DNER: variants seen among roughly 807,000 people sequenced by gnomAD.
DNER encodes the protein delta and Notch-like epidermal growth factor-related receptor.
DNER carries 33 observed loss-of-function variants against 78.2 expected under a neutral mutation model. The observed-to-expected ratio is 0.42, with a 90% CI of 0.32 to 0.56. The LOEUF (loss-of-function observed/expected upper bound fraction) is 0.56. Among genes scored for constraint, DNER ranks in the 20% least tolerant of loss-of-function variants. DNER has a pLI of 0.11. For synonymous variants in DNER, 417 were observed against 384.8 expected (o/e 1.08, Z -0.98); for missense variants, 918 against 975.3 (o/e 0.94, Z 0.78).
rs913840431 is a variant in DNER at position 229,495,963 on chromosome 2, T to G, written c.1147+16820A>C. 2.0e-5 allele frequency among the ~76,000 whole-genome samples: 3 copies of G among 152,232 alleles called. No individual in the cohort carries two copies. In the East Asian group the frequency reaches 5.8e-4, roughly 29 times the overall value. On this transcript the variant is annotated intron_variant, in intron 6 of 12. Coordinates refer to ENST00000341772, the MANE Select transcript of DNER (RefSeq NM_139072.4). ...TCAGTCTAATAACTTATTGGCCACA[T>G]GTAAACCATGAGGGTATGACAGCTC...
chr2:229,508,774 G>C (rs1215411678), intron 6 of DNER, among the ~76,000 whole-genome samples: 1 of 152,046 alleles, frequency 6.6e-6, no homozygotes, highest in Non-Finnish European at 1.5e-5. Context: ...CCAGCTACTC[G>C]GGAGGCTGAG....
intron 5 of DNER, among the ~76,000 whole-genome samples, chr2:229,519,607 G>T (rs2154212525): frequency 6.6e-6 from 1 of 152,074 alleles, no homozygotes; most frequent in East Asian, 2.0e-4. Flanking sequence ...CAAGCAGAAG[G>T]TCAAGGCTTG....
chr2:229,554,859 AGAGAAGAGAAGAGAAGAGAAGAG>A (rs1559165417), intron 4 of DNER, among the ~76,000 whole-genome samples: 1 of 35,396 alleles, frequency 2.8e-5, no homozygotes, highest in Non-Finnish European at 5.4e-5. Context: ...TGAAAGGAAA[AGAGAAGAGAAGAGAAGAGAAGAG>A]AAGAGAAGAG....
chr2:229,577,917 C>G (rs1045009280), intron 4 of DNER, among the ~76,000 whole-genome samples: 1 of 152,114 alleles, frequency 6.6e-6, no homozygotes, highest in African/African-American at 2.4e-5. Flanking sequence ...ATTTAAGTGT[C>G]CTGCCAACTA....
intron 1 of DNER, among the ~76,000 whole-genome samples, chr2:229,712,861 A>T (rs1699930990): frequency 6.6e-6 from 1 of 152,194 alleles, no homozygotes; most frequent in South Asian, 2.1e-4. Flanking sequence ...CAGTGTTGAA[A>T]AGATAGATTC....
intron 11 of DNER, among the ~76,000 whole-genome samples, chr2:229,382,909 A>G (rs895230859): frequency 2.6e-5 from 4 of 152,178 alleles, no homozygotes; most frequent in Non-Finnish European, 4.4e-5. Context: ...GAAAATACAG[A>G]GAACACCACA....
At chr2:229,456,273 C>T (rs558807998) in intron 7 of DNER, among the ~76,000 whole-genome samples, 1 of 151,708 alleles carries the variant, frequency 6.6e-6, no homozygotes, top group Non-Finnish European at 1.5e-5. Flanking sequence ...CCAGCTGTCA[C>T]GTGAACTCAG....
intron 4 of DNER, among the ~76,000 whole-genome samples, chr2:229,579,661 C>T (rs1385747480): frequency 2.0e-5 from 3 of 152,094 alleles, no homozygotes; most frequent in Non-Finnish European, 2.9e-5. Flanking sequence ...TTCATGAGAT[C>T]CATGAAGTGG....
At chr2:229,598,155 C>T (rs1166770115) in intron 1 of DNER, among the ~76,000 whole-genome samples, 1 of 152,228 alleles carries the variant, frequency 6.6e-6, no homozygotes, top group African/African-American at 2.4e-5. Flanking sequence ...AATAGGGTTG[C>T]TCGAAGTGTG....
rs1699957459 is a variant in DNER at position 229,714,259 on chromosome 2, A to G, written c.165T>C (p.Asn55=). 2.8e-6 allele frequency: 4 copies of G among 1,407,928 alleles called. No homozygotes were observed. The highest frequency in any genetic ancestry group is 3.7e-6 in the Non-Finnish European group (4 of 1,082,692). The allele number at this position is 1,407,928 out of a possible 1,614,324, so 87.2% of individuals were successfully genotyped here. A position where few individuals can be genotyped will look rare whatever the true frequency, so the allele number is the denominator to read the frequency against. Residue 55 remains asparagine (N), a synonymous_variant, in exon 1 of 13, where the codon AAT becomes AAC. Coordinates refer to ENST00000341772, the MANE Select transcript of DNER (RefSeq NM_139072.4). ...PGPCAAQPCR[N]GGVCTSRPEP... ...CAGGGCGCGAGGTGCACACACCCCC[A>G]TTCCGGCAGGGCTGCGCGGCGCACG... is the stretch of plus-strand genomic sequence containing the variant.
chr2:229,404,139 A>G (rs149985073), intron 10 of DNER, among the ~76,000 whole-genome samples: 60 of 152,246 alleles, frequency 3.9e-4, no homozygotes, highest in African/African-American at 1.4e-3. Context: ...AAAGAAGTGA[A>G]AAGATCTAAG....
At chr2:229,527,079 C>T (rs926906514) in intron 5 of DNER, among the ~76,000 whole-genome samples, 4 of 152,142 alleles carry the variant, frequency 2.6e-5, no homozygotes, top group Non-Finnish European at 5.9e-5. Context: ...TTGGCCTAAG[C>T]GCCTGTCCTC....
At chr2:229,377,494 G>T (rs1692636101) in intron 11 of DNER, among the ~76,000 whole-genome samples, 1 of 152,154 alleles carries the variant, frequency 6.6e-6, no homozygotes, top group Non-Finnish European at 1.5e-5. Context: ...CAGTCCCAAG[G>T]TGGTAAAAAT....
At chr2:229,570,640 CA>C (rs1201541936) in intron 4 of DNER, among the ~76,000 whole-genome samples, 2 of 136,438 alleles carry the variant, frequency 1.5e-5, no homozygotes, top group Non-Finnish European at 3.2e-5. Context: ...AAAAAAAAAT[CA>C]AGAGTGATAC....
chr2:229,704,825 A>G (rs1347926666), intron 1 of DNER, among the ~76,000 whole-genome samples: 3 of 152,270 alleles, frequency 2.0e-5, no homozygotes, highest in African/African-American at 7.2e-5. Flanking sequence ...TTATGAAATG[A>G]AAAGGGTCTG....
At chr2:229,704,531 C>A (rs1219736505) in intron 1 of DNER, among the ~76,000 whole-genome samples, 2 of 152,202 alleles carry the variant, frequency 1.3e-5, no homozygotes, top group East Asian at 1.9e-4. Flanking sequence ...AAGAAACAAA[C>A]AATTGATACA....
rs535365490 is a variant in DNER at position 229,626,121 on chromosome 2, G to A, written c.277-34233C>T. Among the ~76,000 whole-genome samples the A allele has an allele frequency of 4.6e-5, 7 of 152,150 alleles. No homozygotes were observed. The South Asian group carries it at 8.3e-4, about 18-fold the overall frequency. ...TTTTTAGTAGAGACGGGGTTTCACC[G>A]TGTTAGCCAAGATGGTCGCGATCTC... On this transcript the variant is annotated intron_variant, in intron 1 of 12. Transcript: ENST00000341772.
intron 7 of DNER, among the ~76,000 whole-genome samples, chr2:229,456,213 A>AGAGC (rs1456383388): frequency 6.6e-6 from 1 of 151,854 alleles, no homozygotes; most frequent in African/African-American, 2.4e-5. Flanking sequence ...TCACAGGGTG[A>AGAGC]GAGCAAGAGC....
chr2:229,591,993 C>T lies in DNER; in HGVS notation c.277-105G>A, dbSNP rs1697617321. On this transcript the variant is annotated intron_variant, in intron 1 of 12. Coordinates refer to ENST00000341772, the MANE Select transcript of DNER (RefSeq NM_139072.4). The surrounding 1 kb of genome is among the most constrained non-coding windows in gnomAD (Gnocchi z 4.6). ...CAGAGCGACTGCTGTAATGGAAATGCTGTTCCTGTGGAATACACTCCTTAA... is the reference window on the plus strand; with the variant it reads ...CAGAGCGACTGCTGTAATGGAAATGTTGTTCCTGTGGAATACACTCCTTAA... The T allele has an allele frequency of 2.2e-6, 3 of 1,382,254 alleles. No homozygotes were observed. The highest frequency in any genetic ancestry group is 2.8e-5 in the Admixed American group (1 of 35,182). The allele number at this position is 1,382,254 out of a possible 1,614,324, so 85.6% of individuals were successfully genotyped here. A position where few individuals can be genotyped will look rare whatever the true frequency, so the allele number is the denominator to read the frequency against.
Sources: gnomAD v4.1 joint callset for allele counts (sites outside exome capture counted in the v4.1 genomes callset) on GRCh38, gnomAD v4.1.1 for gene constraint, Gnocchi (gnomAD v3.1) non-coding constraint, MANE v1.5 for transcripts, NCBI Gene and HGNC (gene_info 2026-07-23, HGNC 2026-07-21) for gene names.